The following ACSL5 variants were observed in gnomAD, a reference collection of about 807,000 sequenced individuals.
ACSL5 encodes long-chain-fatty-acid--CoA ligase 5.
In ACSL5, 50 loss-of-function variants were observed where a neutral mutation model predicts 84.9. The observed-to-expected ratio is 0.59, with a 90% CI of 0.47 to 0.75. ACSL5 has a LOEUF of 0.75. Among genes scored for constraint, ACSL5 ranks in the 30% least tolerant of loss-of-function variants. ACSL5 has a pLI of 0.00. For synonymous variants in ACSL5, 280 were observed against 300.7 expected (o/e 0.93, Z 0.71); for missense variants, 775 against 830.4 (o/e 0.93, Z 0.82).
At chr10:112,383,357 A>G (rs977869921) in intron 1 of ACSL5, among the ~76,000 whole-genome samples, 4 of 152,248 alleles carry the variant, frequency 2.6e-5, no homozygotes, top group Non-Finnish European at 5.9e-5. Flanking sequence ...GCCTGGGGCC[A>G]TGGCTATTAT....
At chr10:112,397,866 C>T (rs1006985336) in intron 2 of ACSL5, among the ~76,000 whole-genome samples, 7 of 152,088 alleles carry the variant, frequency 4.6e-5, no homozygotes, top group African/African-American at 1.4e-4. Context: ...ACAGTATGTA[C>T]AGAGTACCTA....
intron 3 of ACSL5, among the ~76,000 whole-genome samples, chr10:112,402,780 C>G (rs1022387255): frequency 7.2e-5 from 11 of 152,090 alleles, no homozygotes; most frequent in African/African-American, 2.4e-4. Context: ...ACCTGAATTC[C>G]TCTTAGCAGT....
rs1844471079 is a variant in ACSL5 at position 112,421,752 on chromosome 10, A to G, written c.1387+87A>G. The G allele has an allele frequency of 3.5e-5, 51 of 1,438,590 alleles. 1 individual carries two copies. The South Asian group carries it at 3.9e-4, about 11-fold the overall frequency. 89.1% of individuals were successfully genotyped at this position (1,438,590 alleles called of 1,614,324 possible). ...AGGACTTTGGAGTTTAGATAACTTC[A>G]GTTCTCTGGACTAATGTGGCAAATG... On this transcript the variant is annotated intron_variant, in intron 15 of 20. Transcript: ENST00000354655.
At chr10:112,426,083 G>A (rs1009249341) in intron 18 of ACSL5, among the ~76,000 whole-genome samples, 175 bp from the exon 19 acceptor site, 1 of 58,512 alleles carries the variant, frequency 1.7e-5, no homozygotes, top group South Asian at 9.2e-4. Flanking sequence ...GTGGGAAAAT[G>A]GGATTACAGT....
intron 1 of ACSL5, among the ~76,000 whole-genome samples, chr10:112,377,408 C>T (rs1849262281): frequency 6.6e-6 from 1 of 152,122 alleles, no homozygotes; most frequent in African/African-American, 2.4e-5. Flanking sequence ...GGCGTGGTGG[C>T]GTACGCCTGT....
intron 5 of ACSL5, among the ~76,000 whole-genome samples, chr10:112,407,052 A>G (rs1844055809): frequency 6.6e-6 from 1 of 152,128 alleles, no homozygotes; most frequent in Non-Finnish European, 1.5e-5. Context: ...GGAAGAAGCA[A>G]AAAGTGGAAA....
intron 17 of ACSL5, 81 bp downstream of exon 17, chr10:112,422,522 A>G (rs1449775565): frequency 3.7e-6 from 5 of 1,359,846 alleles, no homozygotes; most frequent in Non-Finnish European, 5.2e-6. Context: ...AGGTGCAGAA[A>G]TGCAAGTAGG....
intron 14 of ACSL5, 142 bp from the exon 15 acceptor site, chr10:112,421,451 G>T: frequency 1.5e-6 from 1 of 685,444 alleles, no homozygotes; most frequent in Non-Finnish European, 2.6e-6. Context: ...ATGAGCCACC[G>T]CCCCCTCCAA....
At chr10:112,410,283 A>T in intron 7 of ACSL5, 180 bp from the exon 8 acceptor site, 1 of 1,544,082 alleles carries the variant, frequency 6.5e-7, no homozygotes, top group Admixed American at 2.0e-5. Flanking sequence ...GAGAAATCTT[A>T]TGCTCTTCCC....
At chr10:112,421,828 G>A (rs559563022) in intron 15 of ACSL5, 119 bp from the exon 16 acceptor site, 1 of 1,309,830 alleles carries the variant, frequency 7.6e-7, no homozygotes, top group East Asian at 2.3e-5. Flanking sequence ...AGTCTGCATT[G>A]GTGCCAGGTG....
chr10:112,416,878 C>T lies in ACSL5; in HGVS notation c.1084-10C>T. On this transcript the variant is annotated splice_polypyrimidine_tract_variant and intron_variant, in intron 12 of 20. Transcript: ENST00000354655. ...TAGGTTTCCAACTAAAAGGAGCTAT[C>T]ACTCTGCAGGTACAAAATGAGGCCA... The T allele has an allele frequency of 6.2e-7, 1 of 1,613,274 alleles. No homozygotes were observed. The highest frequency in any genetic ancestry group is 8.5e-7 in the Non-Finnish European group (1 of 1,179,366).
intron 1 of ACSL5, among the ~76,000 whole-genome samples, chr10:112,389,547 T>C (rs10885342): frequency 0.49 from 73,997 of 151,832 alleles, 18,138 homozygotes; most frequent in South Asian, 0.58. Flanking sequence ...TCCTCTTTTC[T>C]TTACCACTAT....
chr10:112,411,016 T>C (rs987183179), intron 9 of ACSL5, among the ~76,000 whole-genome samples: 2 of 152,184 alleles, frequency 1.3e-5, no homozygotes, highest in African/African-American at 4.8e-5. Context: ...ACCCATCTGT[T>C]AGAATGCTTA....
At chr10:112,418,968 A>G (rs761629650) in intron 14 of ACSL5, 61 of 152,204 alleles carry the variant, frequency 4.0e-4, no homozygotes, top group African/African-American at 1.4e-3. Context: ...GGTCAACCGT[A>G]CCCAAATAAC....
intron 12 of ACSL5, among the ~76,000 whole-genome samples, chr10:112,416,576 T>C (rs1844320160): frequency 6.6e-6 from 1 of 152,118 alleles, no homozygotes; most frequent in South Asian, 2.1e-4. Flanking sequence ...TTTTGTTTGT[T>C]TGTTTGTTTT....
At chr10:112,401,072 C>G (rs544862783) in intron 3 of ACSL5, among the ~76,000 whole-genome samples, 2 of 151,990 alleles carry the variant, frequency 1.3e-5, no homozygotes, top group Non-Finnish European at 2.9e-5. Context: ...AAAATGATAG[C>G]CAGGCATGGT....
chr10:112,388,159 C>T (rs1045806724), intron 1 of ACSL5, among the ~76,000 whole-genome samples: 1 of 152,076 alleles, frequency 6.6e-6, no homozygotes, highest in Non-Finnish European at 1.5e-5. Context: ...AGGCTGGTCT[C>T]GAACTCCTGG....
chr10:112,416,243 G>A (rs1160105593), intron 12 of ACSL5, among the ~76,000 whole-genome samples: 8 of 152,076 alleles, frequency 5.3e-5, no homozygotes, highest in South Asian at 4.2e-4. Flanking sequence ...AGGCCAAGGC[G>A]GGCAGATCAC....
intron 1 of ACSL5, among the ~76,000 whole-genome samples, chr10:112,381,465 G>A (rs1270655232): frequency 1.3e-5 from 2 of 151,200 alleles, no homozygotes; most frequent in East Asian, 2.0e-4. Context: ...GTCAGAGTTC[G>A]AGACCAGCCT....
Sources: gnomAD v4.1 joint callset for allele counts (sites outside exome capture counted in the v4.1 genomes callset) on GRCh38, gnomAD v4.1.1 for gene constraint, MANE v1.5 for transcripts, NCBI Gene and HGNC (gene_info 2026-07-23, HGNC 2026-07-21) for gene names.